The following ACAN variants were observed in gnomAD, a reference collection of about 807,000 sequenced individuals.
The protein encoded by ACAN is aggrecan core protein.
In ACAN, 47 loss-of-function variants were observed where a neutral mutation model predicts 169.1. That is an observed-to-expected ratio of 0.28 (90% CI 0.22 to 0.35). The LOEUF is 0.35. ACAN is among the 10% of genes least tolerant of loss of function. The probability of loss-of-function intolerance (pLI) is 1.00; values close to 1 mark genes in which losing one functional copy is unlikely to be tolerated. For synonymous variants in ACAN, 1,115 were observed against 1,112.2 expected (o/e 1.00, Z -0.05); for missense variants, 2,716 against 2,759.9 (o/e 0.98, Z 0.36).
rs578065470 is a variant in ACAN at position 88,875,226 on chromosome 15, G to C, written c.*745G>C. 6.6e-6 allele frequency: 1 copy of C among 152,542 alleles called. No individual in the cohort carries two copies. Among genetic ancestry groups the C allele is most frequent in the Admixed American group, 6.5e-5 (1 of 15,318 alleles). 9.4% of individuals were successfully genotyped at this position (152,542 alleles called of 1,614,324 possible). A position where few individuals can be genotyped will look rare whatever the true frequency, so the allele number is the denominator to read the frequency against. On this transcript the variant is annotated 3_prime_UTR_variant, in exon 19 of 19. Transcript: ENST00000560601. This position sits in a 1 kb window ranked among gnomAD's most constrained non-coding sequence, Gnocchi z 4.8. ...CACTTCCTGCCCAGTGGGGGGTGCC[G>C]CCCAACCTTCTCCCCTCCCCACCCC...
In ACAN at chr15:88,872,925, C is replaced by G; in HGVS notation, c.7347C>G (p.Ala2449=). 6.2e-7 allele frequency: 1 copy of G among 1,613,790 alleles called. No individual in the cohort carries two copies. The highest frequency in any genetic ancestry group is 2.2e-5 in the East Asian group (1 of 44,888). ...CCAACCAGCCTGACAACTTTTTTGC[C>G]GCTGGAGAGGACTGTGTGGTGATGA... is the stretch of plus-strand genomic sequence containing the variant. ...WRPNQPDNFF[A]AGEDCVVMIW... The change falls in exon 17 of 19, where the codon GCC becomes GCG. Residue 2449 remains alanine (A), a synonymous_variant. Transcript: ENST00000560601. This position sits in a 1 kb window ranked among gnomAD's most constrained non-coding sequence, Gnocchi z 5.4.
chr15:88,838,787 T>C lies in ACAN; in HGVS notation c.195T>C (p.Ser65=), dbSNP rs779210441. The part of the protein sequence containing the change: ...DPMHPVTTAP[S]TAPLAPRIKW... The stretch of plus-strand genomic sequence containing the variant: ...TGCACCCTGTGACCACCGCCCCTTC[T>C]ACCGCCCCACTGGCCCCAAGAATCA... The change falls in exon 3 of 19, where the codon TCT becomes TCC. Residue 65 remains serine, a synonymous_variant. Coordinates refer to ENST00000560601, the MANE Select transcript of ACAN (RefSeq NM_001369268.1). This position sits in a 1 kb window ranked among gnomAD's most constrained non-coding sequence, Gnocchi z 5.1. The C allele has an allele frequency of 2.5e-6, 4 of 1,613,872 alleles. No homozygotes were observed. The African/African-American group carries it at 4.0e-5, about 16-fold the overall frequency.
intron 8 of ACAN, among the ~76,000 whole-genome samples, chr15:88,847,639 T>A (rs1282982340): frequency 6.6e-6 from 1 of 152,166 alleles, no homozygotes; most frequent in Non-Finnish European, 1.5e-5. Context: ...AGCAGCCCCC[T>A]CCTCAAGTGC....
chr15:88,818,808 G>C (rs1896004557), intron 1 of ACAN, among the ~76,000 whole-genome samples: 1 of 152,162 alleles, frequency 6.6e-6, no homozygotes, highest in Non-Finnish European at 1.5e-5. Context: ...AGTTTGGCAT[G>C]GTGAAAAGCA....
At position 88,838,875 on chromosome 15, in the gene ACAN, C is replaced by G; in HGVS notation, c.283C>G (p.Arg95Gly). 1 of 1,614,048 alleles carries G rather than the reference C, an allele frequency of 6.2e-7. No homozygotes were observed. The highest frequency in any genetic ancestry group is 8.5e-7 in the Non-Finnish European group (1 of 1,179,910). The change falls in exon 3 of 19, where the codon CGG becomes GGG. Residue 95 changes from arginine to glycine, a missense_variant. Coordinates refer to ENST00000560601, the MANE Select transcript of ACAN (RefSeq NM_001369268.1). The surrounding 1 kb of genome is among the most constrained non-coding windows in gnomAD (Gnocchi z 5.1). ...VLLVATEGRVRVNSAYQDKVS... is the reference protein window; with the variant it reads ...VLLVATEGRVGVNSAYQDKVS... ...GCTGGTGGCCACTGAAGGGCGCGTG[C>G]GGGTCAACAGTGCCTATCAGGACAA...
intron 1 of ACAN, among the ~76,000 whole-genome samples, chr15:88,824,295 G>A (rs977960001): frequency 7.3e-5 from 11 of 151,014 alleles, no homozygotes; most frequent in Admixed American, 3.9e-4. Flanking sequence ...CTGCACTCCC[G>A]GGTGACAGAG....
chr15:88,855,589 G>C lies in ACAN; in HGVS notation c.3004G>C (p.Glu1002Gln), dbSNP rs1270044214. 2.1e-5 allele frequency: 13 copies of C among 606,154 alleles called. No homozygotes were observed. In the East Asian group the frequency reaches 2.8e-4, roughly 13 times the overall value. The allele number at this position is 606,154 out of a possible 1,614,324, so 37.5% of individuals were successfully genotyped here. Reference protein sequence around the residue: ...ISGLPSGEVLETTAPGVEDIS... With the variant: ...ISGLPSGEVLQTTAPGVEDIS... ...CGGGCTTCCTTCTGGAGAAGTTCTA[G>C]AGACCACTGCCCCTGGAGTAGAGGA... The change falls in exon 12 of 19, where the codon GAG (glutamate) becomes CAG (glutamine). Residue 1002 changes from glutamate to glutamine, a missense_variant. By Grantham distance (29) the Glu-to-Gln change is conservative. Transcript: ENST00000560601.
In ACAN at chr15:88,845,868, C is replaced by T. The variant is rs535720074; in HGVS notation, c.1415C>T (p.Pro472Leu). 24 of 1,452,898 alleles carry T rather than the reference C, an allele frequency of 1.7e-5. No homozygotes were observed. The highest frequency in any genetic ancestry group is 2.7e-5 in the Admixed American group (1 of 36,904). The allele number at this position is 1,452,898 out of a possible 1,614,324, so 90.0% of individuals were successfully genotyped here. ...CAGGTGACCGCTGTCCCTGGGCAGC[C>T]GCATTTGCCAGGGGGTAAGTAGCTG... ...VVQVTAVPGQ[P>L]HLPGGVVFHY... Residue 472 changes from proline to leucine, a missense_variant, in exon 7 of 19, where the codon CCG becomes CTG. Coordinates refer to ENST00000560601, the MANE Select transcript of ACAN (RefSeq NM_001369268.1).
rs542264980 is a variant in ACAN at position 88,839,700 on chromosome 15, G to C, written c.455-312G>C. On this transcript the variant is annotated intron_variant, in intron 3 of 18. Transcript: ENST00000560601. This position sits in a 1 kb window ranked among gnomAD's most constrained non-coding sequence, Gnocchi z 4.5. ...TGTCTGTTTCTCTTAATGCAATATG[G>C]GGGTCTTGGAGTGATAAGAAAAAAT... Among the ~76,000 whole-genome samples the C allele has an allele frequency of 6.6e-6, 1 of 152,142 alleles. No homozygotes were observed. The highest frequency in any genetic ancestry group is 2.4e-5 in the African/African-American group (1 of 41,418).
intron 11 of ACAN, among the ~76,000 whole-genome samples, chr15:88,854,182 C>G (rs1017218273): frequency 7.9e-5 from 12 of 152,142 alleles, no homozygotes; most frequent in African/African-American, 2.9e-4. Flanking sequence ...CAAACATCAC[C>G]ACCTGGCCCT....
intron 1 of ACAN, among the ~76,000 whole-genome samples, chr15:88,810,100 C>T (rs1190317061): frequency 6.6e-6 from 1 of 152,110 alleles, no homozygotes; most frequent in Non-Finnish European, 1.5e-5. Flanking sequence ...GAGGCTGAGT[C>T]CCAGAGAGCG....
In ACAN at chr15:88,807,485, TC is replaced by T. The variant is rs1474086159; in HGVS notation, c.-8+3681del. ...CTACTTTGGGAGTGGCAGCTCCCCT[TC>T]CCCCAGATCCAACAGGACACAGCCA... On this transcript the variant is annotated intron_variant, in intron 1 of 18. Coordinates refer to ENST00000560601, the MANE Select transcript of ACAN (RefSeq NM_001369268.1). The surrounding 1 kb of genome is among the most constrained non-coding windows in gnomAD (Gnocchi z 4.0). Among the ~76,000 whole-genome samples the T allele has an allele frequency of 1.3e-5, 2 of 151,984 alleles. No homozygotes were observed. Among genetic ancestry groups the T allele is most frequent in the Non-Finnish European group, 2.9e-5 (2 of 67,998 alleles).
chr15:88,845,728 G>C lies in ACAN; in HGVS notation c.1275G>C (p.Gly425=), dbSNP rs780040281. ...CCTTCACGTTTGCCCCTGAAATAGG[G>C]GCCACTGCCTTCGCTGAGGTTGAGA... The part of the protein sequence containing the change: ...EEPFTFAPEI[G]ATAFAEVENE... Residue 425 remains glycine (G), a synonymous_variant, in exon 7 of 19, where the codon GGG becomes GGC. Coordinates refer to ENST00000560601, the MANE Select transcript of ACAN (RefSeq NM_001369268.1). 6.2e-6 allele frequency: 10 copies of C among 1,613,762 alleles called. No homozygotes were observed. Among genetic ancestry groups the C allele is most frequent in the South Asian group, 3.3e-5 (3 of 91,062 alleles).
At chr15:88,867,076 A>G (rs1190756508) in intron 13 of ACAN, among the ~76,000 whole-genome samples, 6 of 152,206 alleles carry the variant, frequency 3.9e-5, no homozygotes, top group Non-Finnish European at 7.3e-5. Flanking sequence ...AGGGGAGGAA[A>G]CCAAGTTGGG....
chr15:88,844,047 C>G (rs145840413), intron 6 of ACAN, among the ~76,000 whole-genome samples: 189 of 152,272 alleles, frequency 1.2e-3, no homozygotes, highest in African/African-American at 4.4e-3. Flanking sequence ...TGACATGTGA[C>G]CCTGGCACCC....
rs567128143 is a variant in ACAN at position 88,827,251 on chromosome 15, G to T, written c.-7-8949G>T. ...CGTGGAGACGGCAGTGGCAGATTAG[G>T]CTCTTCCTTTACAGTCCACAGTTTT... On this transcript the variant is annotated intron_variant, in intron 1 of 18. Coordinates refer to ENST00000560601, the MANE Select transcript of ACAN (RefSeq NM_001369268.1). Among the ~76,000 whole-genome samples, 12 of 152,294 alleles carry T rather than the reference G, an allele frequency of 7.9e-5. No homozygotes were observed. In the East Asian group the frequency reaches 1.9e-3, roughly 24 times the overall value.
At chr15:88,823,660 C>G (rs1896133842) in intron 1 of ACAN, among the ~76,000 whole-genome samples, 1 of 152,122 alleles carries the variant, frequency 6.6e-6, no homozygotes, top group South Asian at 2.1e-4. Context: ...CTGCAGCCAC[C>G]CCATCCTTAG....
At chr15:88,853,147 A>C (rs1896967815) in intron 11 of ACAN, among the ~76,000 whole-genome samples, 1 of 152,160 alleles carries the variant, frequency 6.6e-6, no homozygotes, top group South Asian at 2.1e-4. Context: ...CCTCTTTGGC[A>C]TCGGGGTGTG....
At chr15:88,821,704 C>T (rs1202963093) in intron 1 of ACAN, among the ~76,000 whole-genome samples, 26 of 152,114 alleles carry the variant, frequency 1.7e-4, no homozygotes, top group Admixed American at 1.7e-3. Flanking sequence ...GAAGGATGCC[C>T]ATGGGATGAA....
Sources: allele counts gnomAD v4.1 joint callset (sites outside exome capture counted in the v4.1 genomes callset), GRCh38; gene constraint gnomAD v4.1.1; non-coding constraint Gnocchi (gnomAD v3.1); transcripts MANE v1.5; gene names NCBI Gene and HGNC (gene_info 2026-07-23, HGNC 2026-07-21).